MPZL3: variants seen among roughly 807,000 people sequenced by gnomAD.
MPZL3 encodes the protein myelin protein zero-like protein 3.
In MPZL3, 23 loss-of-function variants were observed where a neutral mutation model predicts 24.8. The ratio of observed to expected loss-of-function variants is 0.93; its 90% CI spans 0.67 to 1.31. The LOEUF (loss-of-function observed/expected upper bound fraction) is 1.31. Among genes scored for constraint, MPZL3 ranks in the 40% most tolerant of loss-of-function variants. MPZL3 has a pLI of 0.00. For synonymous variants in MPZL3, 99 were observed against 106.5 expected (o/e 0.93, Z 0.44); for missense variants, 277 against 294.9 (o/e 0.94, Z 0.44).
chr11:118,238,754 G>A (rs1191312897), intron 2 of MPZL3, among the ~76,000 whole-genome samples: 2 of 152,128 alleles, frequency 1.3e-5, no homozygotes, highest in Non-Finnish European at 2.9e-5. Flanking sequence ...TGGGAGCCAC[G>A]CAGGCATAGT....
intron 4 of MPZL3, among the ~76,000 whole-genome samples, chr11:118,234,631 T>C (rs1272239411): frequency 2.0e-5 from 3 of 152,104 alleles, no homozygotes; most frequent in Admixed American, 1.3e-4. Context: ...TGCTTAGAAA[T>C]AGACATTAGC....
intron 4 of MPZL3, among the ~76,000 whole-genome samples, chr11:118,234,995 G>A (rs755645920): frequency 6.6e-6 from 1 of 152,074 alleles, no homozygotes; most frequent in South Asian, 2.1e-4. Flanking sequence ...AATAGATCTC[G>A]CTTATTCAAA....
chr11:118,233,155 T>C (rs1949374530), intron 5 of MPZL3, among the ~76,000 whole-genome samples: 1 of 152,162 alleles, frequency 6.6e-6, no homozygotes, highest in African/African-American at 2.4e-5. Context: ...TCTCCTAGTA[T>C]GAATTCAGTG....
intron 1 of MPZL3, among the ~76,000 whole-genome samples, chr11:118,244,929 A>G (rs945377106): frequency 6.6e-6 from 1 of 151,632 alleles, no homozygotes; most frequent in Non-Finnish European, 1.5e-5. Context: ...ACAAAAAATT[A>G]GTGGGGCGTG....
rs765111651 is a variant in MPZL3 at position 118,235,451 on chromosome 11, T to C, written c.590A>G (p.Lys197Arg). 1.9e-6 allele frequency: 3 copies of C among 1,613,896 alleles called. No homozygotes were observed. Among genetic ancestry groups the C allele is most frequent in the Admixed American group, 3.3e-5 (2 of 60,002 alleles). ...ATCGGAAACCTCAATAGATGACTTC[T>C]TATAGCCAGACCTGCTCCTCTTCTT... is the stretch of plus-strand genomic sequence containing the variant. ...GLKKRSRSGY[K>R]KSSIEVSDDT... Residue 197 changes from lysine (K) to arginine (R), a missense_variant, in exon 4 of 6, where the codon AAG becomes AGG. Lys to Arg is a conservative substitution (Grantham distance 26). Transcript: ENST00000278949.
At chr11:118,233,594 G>C in intron 4 of MPZL3, 71 bp from the exon 5 acceptor site, 1 of 1,508,742 alleles carries the variant, frequency 6.6e-7, no homozygotes, top group Non-Finnish European at 9.2e-7. Context: ...GAAAGTACAG[G>C]TGTTGAAATC....
intron 1 of MPZL3, among the ~76,000 whole-genome samples, chr11:118,251,952 T>C (rs925850783): frequency 6.6e-6 from 1 of 152,154 alleles, no homozygotes; most frequent in African/African-American, 2.4e-5. Context: ...GCCAGAGCTC[T>C]TTGTGGTTCC....
At chr11:118,250,076 A>G (rs1013324789) in intron 1 of MPZL3, among the ~76,000 whole-genome samples, 2 of 151,682 alleles carry the variant, frequency 1.3e-5, no homozygotes, top group Non-Finnish European at 2.9e-5. Context: ...ATCCCAGATC[A>G]CTGCAACTCC....
rs1372410111 is a variant in MPZL3, at chr11:118,227,883, C to G, written c.*2011G>C. ...AATGAGGACCTGCAAAATAGTCCCC[C>G]TCACAATGAGATCTCTATCTTCAAA... On this transcript the variant is annotated 3_prime_UTR_variant, in exon 6 of 6. Coordinates refer to ENST00000278949, the MANE Select transcript of MPZL3 (RefSeq NM_198275.3). 6.6e-6 allele frequency: 1 copy of G among 152,212 alleles called. No homozygotes were observed. Among genetic ancestry groups the G allele is most frequent in the East Asian group, 1.9e-4 (1 of 5,196 alleles). The allele number at this position is 152,212 out of a possible 1,614,324, so 9.4% of individuals were successfully genotyped here.
intron 1 of MPZL3, among the ~76,000 whole-genome samples, chr11:118,248,137 G>A (rs538282345): frequency 5.0e-5 from 7 of 140,262 alleles, no homozygotes; most frequent in South Asian, 2.4e-4. Context: ...GTGCAGTGGC[G>A]CGATCTTGGC....
At position 118,237,196 on chromosome 11, in the gene MPZL3, C is replaced by G. The variant is rs1409898530; in HGVS notation, c.305G>C (p.Trp102Ser). 1.2e-5 allele frequency: 19 copies of G among 1,613,948 alleles called. No individual in the cohort carries two copies. The highest frequency in any genetic ancestry group is 1.6e-4 in the Middle Eastern group (1 of 6,082). The change falls in exon 3 of 6, where the codon TGG (tryptophan) becomes TCG (serine). Residue 102 changes from tryptophan to serine, a missense_variant. Coordinates refer to ENST00000278949, the MANE Select transcript of MPZL3 (RefSeq NM_198275.3). ...TAGTFRDRIS[W>S]VGNVYKGDAS... ...ATCCCCTTTGTATACATTTCCAACC[C>G]AGGAAATCCGATCCCGAAATGTGCC...
chr11:118,240,732 GACACACACAC>G (rs56100329), intron 1 of MPZL3, among the ~76,000 whole-genome samples: 2,747 of 121,524 alleles, frequency 0.023, 54 homozygotes, highest in South Asian at 0.061. Context: ...ATCCCCCGCA[GACACACACAC>G]ACACACACAC....
rs1433071008 is a variant in MPZL3 at position 118,228,851 on chromosome 11, A to C, written c.*1043T>G. The C allele has an allele frequency of 1.3e-5, 2 of 152,162 alleles. No individual in the cohort carries two copies. Among genetic ancestry groups the C allele is most frequent in the African/African-American group, 4.8e-5 (2 of 41,442 alleles). The allele number at this position is 152,162 out of a possible 1,614,324, so 9.4% of individuals were successfully genotyped here. A position where few individuals can be genotyped will look rare whatever the true frequency, so the allele number is the denominator to read the frequency against. ...TTATAAGAAAATAAAATAACAGGCC[A>C]AGCACAGTGGCTCATGCCTGTAATC... On this transcript the variant is annotated 3_prime_UTR_variant, in exon 6 of 6. Transcript: ENST00000278949.
chr11:118,245,164 A>C (rs1793165), intron 1 of MPZL3, among the ~76,000 whole-genome samples: 117,995 of 151,500 alleles, frequency 0.78, 46,517 homozygotes, highest in African/African-American at 0.9. Flanking sequence ...GTTGGCAGGC[A>C]GAGGTGGGTG....
chr11:118,234,695 C>T (rs1388235044), intron 4 of MPZL3, among the ~76,000 whole-genome samples: 2 of 151,500 alleles, frequency 1.3e-5, no homozygotes, highest in African/African-American at 2.4e-5. Flanking sequence ...TTGGAAATGG[C>T]ACAGGGTGCT....
intron 2 of MPZL3, among the ~76,000 whole-genome samples, chr11:118,238,399 T>C (rs1949452049): frequency 6.6e-6 from 1 of 152,202 alleles, no homozygotes; most frequent in Non-Finnish European, 1.5e-5. Context: ...ATCAGACACT[T>C]CATCACCAAA....
At chr11:118,239,074 T>C (rs1949461261) in intron 2 of MPZL3, among the ~76,000 whole-genome samples, 1 of 152,244 alleles carries the variant, frequency 6.6e-6, no homozygotes, top group Non-Finnish European at 1.5e-5. Flanking sequence ...CCAACTTGTA[T>C]GAGTTTGTTG....
chr11:118,235,720 G>A (rs775087573), intron 3 of MPZL3, 131 bp from the exon 4 acceptor site: 33 of 957,790 alleles, frequency 3.4e-5, no homozygotes, highest in African/African-American at 6.7e-5. Flanking sequence ...TGTGTGAAAG[G>A]TAGAAAATAC....
chr11:118,249,102 G>T (rs978035000), intron 1 of MPZL3, among the ~76,000 whole-genome samples: 16 of 152,190 alleles, frequency 1.1e-4, no homozygotes, highest in Admixed American at 9.8e-4. Context: ...GAGTGCAGTG[G>T]CGTGATCTTG....
Sources: gnomAD v4.1 joint callset for allele counts (sites outside exome capture counted in the v4.1 genomes callset) on GRCh38, gnomAD v4.1.1 for gene constraint, MANE v1.5 for transcripts, NCBI Gene and HGNC (gene_info 2026-07-23, HGNC 2026-07-21) for gene names.